Variants in UMODL1 observed in about 807,000 individuals in gnomAD.
UMODL1 encodes uromodulin like 1.
UMODL1 carries 128 observed loss-of-function variants against 136.3 expected under a neutral mutation model. The observed-to-expected ratio is 0.94, with a 90% CI of 0.81 to 1.09. UMODL1 has a LOEUF of 1.09. Ranked by LOEUF, UMODL1 falls within the 50% of genes least tolerant of loss-of-function variation. UMODL1 has a pLI of 0.00. For synonymous variants in UMODL1, 721 were observed against 720.0 expected (o/e 1.00, Z -0.02); for missense variants, 1,766 against 1,725.6 (o/e 1.02, Z -0.41).
intron 21 of UMODL1, among the ~76,000 whole-genome samples, chr21:42,132,522 T>A (rs562216363): frequency 2.0e-5 from 3 of 151,692 alleles, no homozygotes; most frequent in Non-Finnish European, 4.4e-5. Flanking sequence ...TGTCATCCCT[T>A]CATTCATCCA....
rs769165401 is a variant in UMODL1, at chr21:42,103,797, T to C, written c.1300-71T>C. ...AATGGCTCCAAGCACCATCCATCGGTCACACCTGGAACCCTGCTTAATGGT... is the reference window on the plus strand; with the variant it reads ...AATGGCTCCAAGCACCATCCATCGGCCACACCTGGAACCCTGCTTAATGGT... On this transcript the variant is annotated intron_variant, in intron 8 of 22. Transcript: ENST00000408910. 6 of 1,570,904 alleles carry C rather than the reference T, an allele frequency of 3.8e-6. No homozygotes were observed. The Admixed American group carries it at 5.0e-5, about 13-fold the overall frequency.
At chr21:42,128,688 G>A (rs1052713221) in intron 20 of UMODL1, among the ~76,000 whole-genome samples, 1 of 152,224 alleles carries the variant, frequency 6.6e-6, no homozygotes, top group South Asian at 2.1e-4. Context: ...GCCTGCCCCT[G>A]GTTCCACTGG....
intron 7 of UMODL1, among the ~76,000 whole-genome samples, chr21:42,101,143 G>GGCCTTGTCTAATTCC (rs1178131871): frequency 1.3e-5 from 2 of 151,594 alleles, no homozygotes; most frequent in Non-Finnish European, 2.9e-5. Flanking sequence ...TTGCTTTAAA[G>GGCCTTGTCTAATTCC]GCCTTGTCTA....
chr21:42,090,724 C>T (rs756297197), intron 6 of UMODL1, among the ~76,000 whole-genome samples: 15 of 152,208 alleles, frequency 9.9e-5, no homozygotes, highest in Non-Finnish European at 2.1e-4. Flanking sequence ...AGCAGTCCCA[C>T]GTGTGTTGTT....
chr21:42,079,944 C>T (rs1475964380), intron 2 of UMODL1, among the ~76,000 whole-genome samples: 1 of 152,210 alleles, frequency 6.6e-6, no homozygotes, highest in Admixed American at 6.5e-5. Context: ...GGAGTTCTTT[C>T]TCAGAAAGGT....
chr21:42,078,545 G>A lies in UMODL1; in HGVS notation c.319+2298G>A, dbSNP rs868661354. Among the ~76,000 whole-genome samples, 179 of 21,212 alleles carry A rather than the reference G, an allele frequency of 8.4e-3. 2 individuals are homozygous for A. The highest frequency in any genetic ancestry group is 0.03 in the African/African-American group (87 of 2,900). The allele number at this position is 21,212 out of a possible 152,430, so 13.9% of individuals were successfully genotyped here. A position where few individuals can be genotyped will look rare whatever the true frequency, so the allele number is the denominator to read the frequency against. ...CACCTCCATCACCAACAGAAACCAG[G>A]CGGGGCCAGCTGACCCCAGAGCAAC... On this transcript the variant is annotated intron_variant, in intron 2 of 22. Coordinates refer to ENST00000408910, the MANE Select transcript of UMODL1 (RefSeq NM_001004416.3).
At position 42,084,260 on chromosome 21, in the gene UMODL1, G is replaced by T. The variant is rs774997655; in HGVS notation, c.481+15G>T. 5.6e-6 allele frequency: 9 copies of T among 1,611,966 alleles called. No individual in the cohort carries two copies. The highest frequency in any genetic ancestry group is 1.7e-5 in the Admixed American group (1 of 59,910). On this transcript the variant is annotated intron_variant, in intron 3 of 22. Coordinates refer to ENST00000408910, the MANE Select transcript of UMODL1 (RefSeq NM_001004416.3). ...TGCACCCCAAGGTAGGCTGCTGCGGGCCATGCTTATGGACAGGCAGCAAAG... is the reference window on the plus strand; with the variant it reads ...TGCACCCCAAGGTAGGCTGCTGCGGTCCATGCTTATGGACAGGCAGCAAAG...
chr21:42,080,176 G>A (rs2066345615), intron 2 of UMODL1, among the ~76,000 whole-genome samples: 1 of 152,198 alleles, frequency 6.6e-6, no homozygotes, highest in Admixed American at 6.5e-5. Flanking sequence ...CTTTTTCTGG[G>A]ATGCCACACA....
At chr21:42,140,610 G>A (rs1047552183) in intron 22 of UMODL1, among the ~76,000 whole-genome samples, 4 of 151,918 alleles carry the variant, frequency 2.6e-5, no homozygotes, top group East Asian at 1.9e-4. Flanking sequence ...TCAGAGACCC[G>A]GAGAATTTGT....
chr21:42,097,861 A>G (rs2066576889), intron 6 of UMODL1, among the ~76,000 whole-genome samples: 1 of 152,190 alleles, frequency 6.6e-6, no homozygotes, highest in Non-Finnish European at 1.5e-5. Flanking sequence ...GCACTAGAAT[A>G]TATATAGGTT....
intron 19 of UMODL1, 122 bp downstream of exon 19, chr21:42,127,364 T>A: frequency 1.0e-6 from 1 of 995,420 alleles, no homozygotes; most frequent in South Asian, 1.5e-5. Flanking sequence ...TAACAATAGG[T>A]AGGGCTCAGG....
chr21:42,120,893 G>C (rs1013948896), intron 15 of UMODL1, 194 bp from the exon 16 acceptor site: 40 of 596,852 alleles, frequency 6.7e-5, no homozygotes, highest in Non-Finnish European at 1.1e-4. Context: ...AGCCCCTGCA[G>C]ACATACTTAG....
intron 6 of UMODL1, among the ~76,000 whole-genome samples, chr21:42,096,553 T>C (rs896159983): frequency 6.6e-6 from 1 of 152,240 alleles, no homozygotes; most frequent in Non-Finnish European, 1.5e-5. Flanking sequence ...ATTTTAACTC[T>C]GCTCCGTTCA....
intron 1 of UMODL1, among the ~76,000 whole-genome samples, chr21:42,063,406 C>T (rs1233147842): frequency 6.6e-6 from 1 of 152,190 alleles, no homozygotes; most frequent in East Asian, 1.9e-4. Flanking sequence ...TCGGAGTCCC[C>T]CCTGGTGTCC....
At position 42,122,970 on chromosome 21, in the gene UMODL1, C is replaced by A; in HGVS notation, c.2967C>A (p.Val989=). The A allele has an allele frequency of 1.2e-6, 2 of 1,614,082 alleles. No homozygotes were observed. The highest frequency in any genetic ancestry group is 1.7e-6 in the Non-Finnish European group (2 of 1,180,034). The change falls in exon 17 of 23, where the codon GTC becomes GTA. Residue 989 remains valine, a synonymous_variant. Coordinates refer to ENST00000408910, the MANE Select transcript of UMODL1 (RefSeq NM_001004416.3). This position sits in a 1 kb window ranked among gnomAD's most constrained non-coding sequence, Gnocchi z 4.3. ...AGCGGCTGAACCTGACCGGAGCAGTCAGGGTGCTCTGTGAGATCGAGAAGG... is the reference window on the plus strand; with the variant it reads ...AGCGGCTGAACCTGACCGGAGCAGTAAGGGTGCTCTGTGAGATCGAGAAGG... ...LPQRLNLTGA[V]RVLCEIEKVV...
rs1322042941 is a variant in UMODL1 at position 42,122,658 on chromosome 21, TGTGC to T, written c.2828-169_2828-166del. On this transcript the variant is annotated intron_variant, in intron 16 of 22. Transcript: ENST00000408910. This position sits in a 1 kb window ranked among gnomAD's most constrained non-coding sequence, Gnocchi z 4.3. ...GTGTGTGTACGTGTGTGTGCATATGTGTGCGTGTGTGTGTGTGTGTGTGCACGTG... is the reference window on the plus strand; with the variant it reads ...GTGTGTGTACGTGTGTGTGCATATGTGTGTGTGTGTGTGTGTGTGCACGTG... Among the ~76,000 whole-genome samples, 2 of 130,404 alleles carry T rather than the reference TGTGC, an allele frequency of 1.5e-5. No individual in the cohort carries two copies. The highest frequency in any genetic ancestry group is 2.0e-4 in the East Asian group (1 of 4,968). 85.6% of individuals were successfully genotyped at this position (130,404 alleles called of 152,430 possible). A position where few individuals can be genotyped will look rare whatever the true frequency, so the allele number is the denominator to read the frequency against.
intron 6 of UMODL1, chr21:42,093,834 G>A (rs1349615609): frequency 4.4e-6 from 2 of 453,808 alleles, no homozygotes; most frequent in East Asian, 7.0e-5. Context: ...GCCCAGCTCT[G>A]CCAGCAAAAC....
At position 42,077,968 on chromosome 21, in the gene UMODL1, C is replaced by A. The variant is rs187898178; in HGVS notation, c.319+1721C>A. ...TCCTGAGTGGGCCCTCCCTCAGCCC[C>A]CAGTGCTATTTCACTGATGACAGGG... On this transcript the variant is annotated intron_variant, in intron 2 of 22. Transcript: ENST00000408910. Among the ~76,000 whole-genome samples, 85 of 152,320 alleles carry A rather than the reference C, an allele frequency of 5.6e-4. 1 individual carries two copies. Among genetic ancestry groups the A allele is most frequent in the Middle Eastern group, 3.4e-3 (1 of 294 alleles).
intron 21 of UMODL1, 26 bp downstream of exon 21, chr21:42,129,823 A>G (rs1197684844): frequency 3.3e-6 from 5 of 1,503,612 alleles, no homozygotes; most frequent in African/African-American, 1.4e-5. Context: ...GGTTTAGACA[A>G]TGAAAGAAAA....
Sources: gnomAD v4.1 joint callset for allele counts (sites outside exome capture counted in the v4.1 genomes callset) on GRCh38, gnomAD v4.1.1 for gene constraint, Gnocchi (gnomAD v3.1) non-coding constraint, MANE v1.5 for transcripts, NCBI Gene and HGNC (gene_info 2026-07-23, HGNC 2026-07-21) for gene names.